SORCS3: variants seen among roughly 807,000 people sequenced by gnomAD.
SORCS3 encodes the protein VPS10 domain-containing receptor SorCS3.
SORCS3 carries 57 observed loss-of-function variants against 146.3 expected under a neutral mutation model. That is an observed-to-expected ratio of 0.39 (90% CI 0.31 to 0.49). The LOEUF is 0.49. Among genes scored for constraint, SORCS3 ranks in the 20% least tolerant of loss-of-function variants. SORCS3 has a pLI of 0.92. For missense variants in SORCS3, 1,341 were observed against 1,575.5 expected, an observed-to-expected ratio of 0.85 and a Z score of 2.52; for synonymous variants, 653 against 618.5, an observed-to-expected ratio of 1.06 and a Z score of -0.83.
At chr10:104,941,171 C>A (rs7094379) in intron 3 of SORCS3, among the ~76,000 whole-genome samples, 41,395 of 152,014 alleles carry the variant, frequency 0.27, 7,145 homozygotes, top group African/African-American at 0.49. Context: ...TGACCAGCTT[C>A]TTTATTGCAT....
chr10:104,840,163 G>A (rs1589519534), intron 1 of SORCS3, among the ~76,000 whole-genome samples: 1 of 152,150 alleles, frequency 6.6e-6, no homozygotes, highest in East Asian at 1.9e-4. Flanking sequence ...CTTCCTGCAG[G>A]TGGAGATCTG....
In SORCS3 at chr10:105,016,609, G is replaced by A. The variant is rs992629793; in HGVS notation, c.955-26446G>A. ...AAAAAATAGCTGTCAATTTTATAACGGTATCTATTTCTTTCAAATGGTGAT... is the reference window on the plus strand; with the variant it reads ...AAAAAATAGCTGTCAATTTTATAACAGTATCTATTTCTTTCAAATGGTGAT... On this transcript the variant is annotated intron_variant, in intron 4 of 26. Coordinates refer to ENST00000369701, the MANE Select transcript of SORCS3 (RefSeq NM_014978.3). 4.8e-4 allele frequency among the ~76,000 whole-genome samples: 73 copies of A among 152,074 alleles called. 1 individual carries two copies. Among genetic ancestry groups the A allele is most frequent in the African/African-American group, 1.6e-3 (67 of 41,488 alleles).
intron 7 of SORCS3, among the ~76,000 whole-genome samples, chr10:105,121,272 T>C (rs1026882045): frequency 2.0e-5 from 3 of 152,178 alleles, no homozygotes; most frequent in African/African-American, 7.2e-5. Context: ...TCACATCAAA[T>C]TTATGTCCAG....
intron 2 of SORCS3, among the ~76,000 whole-genome samples, chr10:104,894,801 G>A (rs535950558): frequency 2.2e-4 from 33 of 152,268 alleles, no homozygotes; most frequent in Non-Finnish European, 4.3e-4. Flanking sequence ...GGAAGTGGGG[G>A]AGGAGAGGTA....
intron 4 of SORCS3, among the ~76,000 whole-genome samples, chr10:105,022,376 C>A (rs1227708531): frequency 1.3e-5 from 2 of 149,648 alleles, no homozygotes; most frequent in Non-Finnish European, 1.5e-5. Flanking sequence ...CGGCTCATTG[C>A]AACCTCTGCC....
At chr10:104,920,726 G>A (rs2019078533) in intron 3 of SORCS3, among the ~76,000 whole-genome samples, 1 of 152,192 alleles carries the variant, frequency 6.6e-6, no homozygotes, top group Admixed American at 6.5e-5. Flanking sequence ...CAGGCTGTGA[G>A]CAGGGTATAA....
intron 6 of SORCS3, among the ~76,000 whole-genome samples, chr10:105,090,606 A>G (rs1275875912): frequency 6.6e-6 from 1 of 152,242 alleles, no homozygotes; most frequent in Non-Finnish European, 1.5e-5. Flanking sequence ...AACAGAGCCA[A>G]ATAATCTACT....
chr10:104,696,456 G>T (rs369876476), intron 1 of SORCS3, among the ~76,000 whole-genome samples: 2 of 15,430 alleles, frequency 1.3e-4, no homozygotes, highest in African/African-American at 3.2e-4. Context: ...ATAGAATATA[G>T]AATATATAAT....
intron 4 of SORCS3, among the ~76,000 whole-genome samples, chr10:105,003,870 A>G (rs538872771): frequency 2.0e-5 from 3 of 152,272 alleles, no homozygotes; most frequent in Non-Finnish European, 2.9e-5. Context: ...CAGACAGGCT[A>G]TGCTTCTTGT....
intron 5 of SORCS3, among the ~76,000 whole-genome samples, chr10:105,046,213 G>A (rs2055370557): frequency 6.6e-6 from 1 of 152,090 alleles, no homozygotes; most frequent in Non-Finnish European, 1.5e-5. Flanking sequence ...TTAACTTGTG[G>A]TATGTAGACA....
chr10:104,966,147 A>C (rs2054825176), intron 3 of SORCS3, among the ~76,000 whole-genome samples: 1 of 151,760 alleles, frequency 6.6e-6, no homozygotes, highest in Non-Finnish European at 1.5e-5. Context: ...CCCACTAGAT[A>C]CCGGAACTCT....
At chr10:104,649,796 T>G (rs371175714) in intron 1 of SORCS3, among the ~76,000 whole-genome samples, 1 of 152,232 alleles carries the variant, frequency 6.6e-6, no homozygotes, top group East Asian at 1.9e-4. Flanking sequence ...TATGAATAAA[T>G]TTAACATTAT....
intron 3 of SORCS3, among the ~76,000 whole-genome samples, chr10:104,938,340 C>G (rs1342786365): frequency 2.0e-5 from 3 of 152,200 alleles, no homozygotes; most frequent in Non-Finnish European, 4.4e-5. Flanking sequence ...AGTTCCTACT[C>G]TGATCAAAAT....
At chr10:105,147,592 T>C in intron 8 of SORCS3, 25 bp from the exon 9 acceptor site, 1 of 1,592,050 alleles carries the variant, frequency 6.3e-7, no homozygotes, top group South Asian at 1.1e-5. Flanking sequence ...ATCTGCTGCC[T>C]TACAAGCCTT....
chr10:105,076,130 C>T (rs60360843), intron 5 of SORCS3, among the ~76,000 whole-genome samples: 1 of 152,088 alleles, frequency 6.6e-6, no homozygotes, highest in Non-Finnish European at 1.5e-5. Flanking sequence ...AAGACCAAAT[C>T]AGGAAGATTT....
chr10:104,972,007 T>G (rs553642207), intron 3 of SORCS3, among the ~76,000 whole-genome samples: 5 of 152,286 alleles, frequency 3.3e-5, no homozygotes, highest in African/African-American at 1.2e-4. Flanking sequence ...AATGTAATTG[T>G]GGCACTAGGG....
chr10:105,159,392 G>C (rs561886239), intron 11 of SORCS3, among the ~76,000 whole-genome samples: 1 of 152,280 alleles, frequency 6.6e-6, no homozygotes, highest in South Asian at 2.1e-4. Flanking sequence ...CTTTACAAAG[G>C]GTTCCATCCC....
intron 1 of SORCS3, among the ~76,000 whole-genome samples, chr10:104,817,413 C>T (rs1292865069): frequency 9.7e-6 from 1 of 103,174 alleles, no homozygotes; most frequent in African/African-American, 3.7e-5. Context: ...TCCTCCTCCC[C>T]CTTCCCCCTC....
Position 104,725,676 on chromosome 10 carries a change from C to T in SORCS3, c.627+83722C>T, listed in dbSNP as rs537771944. Among the ~76,000 whole-genome samples, 213 of 152,346 alleles carry T rather than the reference C, an allele frequency of 1.4e-3. 2 individuals are homozygous for T. The highest frequency in any genetic ancestry group is 4.6e-3 in the African/African-American group (191 of 41,594). ...TTACCTACTCAAGCCTCGGCAATGGCGGGTGACCCTCCCCCAGCCTCACTG... is the reference window on the plus strand; with the variant it reads ...TTACCTACTCAAGCCTCGGCAATGGTGGGTGACCCTCCCCCAGCCTCACTG... On this transcript the variant is annotated intron_variant, in intron 1 of 26. Transcript: ENST00000369701.
Sources: gnomAD v4.1 joint callset for allele counts (sites outside exome capture counted in the v4.1 genomes callset) on GRCh38, gnomAD v4.1.1 for gene constraint, MANE v1.5 for transcripts, NCBI Gene and HGNC (gene_info 2026-07-23, HGNC 2026-07-21) for gene names.